Variants in INPP4B observed in about 807,000 individuals in gnomAD.
INPP4B encodes the protein inositol polyphosphate 4-phosphatase type II.
A neutral mutation model predicts 122.5 loss-of-function variants in INPP4B; 55 were observed. That is an observed-to-expected ratio of 0.45 (90% CI 0.36 to 0.56). The LOEUF is 0.56. Ranked by LOEUF, INPP4B falls within the 20% of genes least tolerant of loss-of-function variation. INPP4B has a pLI of 0.00. For missense variants in INPP4B, 1,000 were observed against 1,097.7 expected (o/e 0.91, Z 1.26); for synonymous variants, 403 against 388.7 (o/e 1.04, Z -0.43).
intron 2 of INPP4B, among the ~76,000 whole-genome samples, chr4:142,494,194 G>T (rs1001435750): frequency 6.6e-6 from 1 of 151,976 alleles, no homozygotes; most frequent in Non-Finnish European, 1.5e-5. Flanking sequence ...TTTATAAATT[G>T]CCCAGTCTCT....
At chr4:142,449,092 T>C (rs1813572590) in intron 3 of INPP4B, among the ~76,000 whole-genome samples, 1 of 152,114 alleles carries the variant, frequency 6.6e-6, no homozygotes, top group Non-Finnish European at 1.5e-5. Flanking sequence ...TTAAATTCAG[T>C]GAGGACCTGC....
chr4:142,186,166 T>C (rs1833121323), intron 15 of INPP4B, among the ~76,000 whole-genome samples: 1 of 152,170 alleles, frequency 6.6e-6, no homozygotes, highest in African/African-American at 2.4e-5. Flanking sequence ...ACATTTTTTG[T>C]GGAAATATAT....
intron 23 of INPP4B, among the ~76,000 whole-genome samples, chr4:142,099,057 G>A (rs1783350593): frequency 6.6e-6 from 1 of 152,114 alleles, no homozygotes. Context: ...TGTCACACTT[G>A]TTACTAGATC....
intron 2 of INPP4B, among the ~76,000 whole-genome samples, chr4:142,702,120 C>CACACACAGACCCT (rs1761864695): frequency 6.6e-6 from 1 of 152,072 alleles, no homozygotes; most frequent in South Asian, 2.1e-4. Flanking sequence ...CTTGTAACCC[C>CACACACAGACCCT]ACACACAGAC....
At chr4:142,527,619 T>C (rs1328521631) in intron 2 of INPP4B, among the ~76,000 whole-genome samples, 2 of 152,066 alleles carry the variant, frequency 1.3e-5, no homozygotes, top group African/African-American at 4.8e-5. Flanking sequence ...AATTGAGCAT[T>C]AATTGCCTTT....
intron 14 of INPP4B, 63 bp from the exon 15 acceptor site, chr4:142,193,258 G>T: frequency 2.2e-6 from 2 of 900,088 alleles, no homozygotes; most frequent in Non-Finnish European, 3.7e-6. Flanking sequence ...CATGCTGTTT[G>T]CATTGAAGCA....
intron 1 of INPP4B, among the ~76,000 whole-genome samples, chr4:142,738,081 C>T (rs167960): frequency 6.6e-6 from 1 of 151,966 alleles, no homozygotes; most frequent in Non-Finnish European, 1.5e-5. Flanking sequence ...ACTAGAAATA[C>T]CATTTGACCC....
intron 2 of INPP4B, among the ~76,000 whole-genome samples, chr4:142,467,569 C>T (rs1034044682): frequency 2.6e-5 from 4 of 151,482 alleles, no homozygotes; most frequent in Non-Finnish European, 5.9e-5. Context: ...TCAAATCTCA[C>T]AGGTTCATAG....
At chr4:142,253,027 T>C (rs1186090322) in intron 11 of INPP4B, among the ~76,000 whole-genome samples, 2 of 152,220 alleles carry the variant, frequency 1.3e-5, no homozygotes, top group Non-Finnish European at 2.9e-5. Context: ...ACAATCTGTA[T>C]AGTATGTTAC....
At chr4:142,488,672 G>A (rs1388297391) in intron 2 of INPP4B, among the ~76,000 whole-genome samples, 2 of 152,016 alleles carry the variant, frequency 1.3e-5, no homozygotes, top group African/African-American at 2.4e-5. Flanking sequence ...TTGGCCTAAA[G>A]TTGGTCACTG....
chr4:142,518,326 C>A (rs1450119842), intron 2 of INPP4B, among the ~76,000 whole-genome samples: 1 of 152,082 alleles, frequency 6.6e-6, no homozygotes, highest in African/African-American at 2.4e-5. Context: ...CAGTTATTGG[C>A]ATGAACAAGT....
chr4:142,606,063 A>G lies in INPP4B; in HGVS notation c.-191+119776T>C, dbSNP rs150020617. Among the ~76,000 whole-genome samples, 147 of 152,132 alleles carry G rather than the reference A, an allele frequency of 9.7e-4. 1 individual carries two copies. Among genetic ancestry groups the G allele is most frequent in the African/African-American group, 3.5e-3 (144 of 41,574 alleles). On this transcript the variant is annotated intron_variant, in intron 2 of 25. Coordinates refer to ENST00000262992, the MANE Select transcript of INPP4B (RefSeq NM_001101669.3). ...ATATGCAATAGAATACTATTGGGCAATTAAAAGAGGATGAAATCATGTCAT... is the reference window on the plus strand; with the variant it reads ...ATATGCAATAGAATACTATTGGGCAGTTAAAAGAGGATGAAATCATGTCAT...
At chr4:142,238,114 A>C (rs1189275801) in intron 11 of INPP4B, 103 bp from the exon 12 acceptor site, 8 of 534,162 alleles carry the variant, frequency 1.5e-5, no homozygotes, top group Non-Finnish European at 3.3e-6. Flanking sequence ...TTTATTATTC[A>C]TTTGATCCAA....
chr4:142,809,149 C>T (rs1270917268), intron 1 of INPP4B, among the ~76,000 whole-genome samples: 1 of 151,884 alleles, frequency 6.6e-6, no homozygotes, highest in African/African-American at 2.4e-5. Flanking sequence ...GTTAAAAAAG[C>T]ATGAGGGAAA....
At chr4:142,406,578 A>G (rs1299348467) in intron 5 of INPP4B, among the ~76,000 whole-genome samples, 1 of 152,220 alleles carries the variant, frequency 6.6e-6, no homozygotes, top group African/African-American at 2.4e-5. Flanking sequence ...TCCAGTTCAA[A>G]TAGCTAGGCA....
At chr4:142,177,162 T>A (rs1354506754) in intron 15 of INPP4B, among the ~76,000 whole-genome samples, 1 of 152,170 alleles carries the variant, frequency 6.6e-6, no homozygotes, top group East Asian at 1.9e-4. Context: ...GAAGTCTTTT[T>A]AACGATGAGC....
rs533165180 is a variant in INPP4B, at chr4:142,276,698, C to T, written c.504-5924G>A. On this transcript the variant is annotated intron_variant, in intron 9 of 25. Transcript: ENST00000262992. ...GTAGTATCATTTATATAGCCTGGGC[C>T]ACAAAGCTTCAAGAGCATGACGTAG... Among the ~76,000 whole-genome samples the T allele has an allele frequency of 2.0e-5, 3 of 151,860 alleles. No individual in the cohort carries two copies. In the East Asian group the frequency reaches 5.8e-4, roughly 29 times the overall value.
intron 10 of INPP4B, among the ~76,000 whole-genome samples, chr4:142,268,228 C>G (rs1169453732): frequency 6.9e-6 from 1 of 145,676 alleles, no homozygotes; most frequent in African/African-American, 2.6e-5. Context: ...GAGGCTGGGG[C>G]AGGAGAATGG....
chr4:142,803,486 A>ATT (rs76149047), intron 1 of INPP4B, among the ~76,000 whole-genome samples: 4 of 151,234 alleles, frequency 2.6e-5, no homozygotes, highest in East Asian at 1.9e-4. Context: ...TCTTCTTTAC[A>ATT]TTTTTTTCAT....
Sources: gnomAD v4.1 joint callset for allele counts (sites outside exome capture counted in the v4.1 genomes callset) on GRCh38, gnomAD v4.1.1 for gene constraint, MANE v1.5 for transcripts, NCBI Gene and HGNC (gene_info 2026-07-23, HGNC 2026-07-21) for gene names.